The following HS2ST1 variants were observed in gnomAD, a reference collection of about 807,000 sequenced individuals.
The protein encoded by HS2ST1 is heparan sulfate 2-O-sulfotransferase 1.
A neutral mutation model predicts 42.9 loss-of-function variants in HS2ST1; 18 were observed. That is an observed-to-expected ratio of 0.42 (90% confidence interval 0.29 to 0.62). HS2ST1 has a LOEUF of 0.62. Ranked by LOEUF, HS2ST1 falls within the 20% of genes least tolerant of loss-of-function variation. HS2ST1 has a pLI of 0.21. For synonymous variants in HS2ST1, 146 were observed against 152.9 expected, an observed-to-expected ratio of 0.95 and a Z score of 0.33; for missense variants, 334 against 433.8, an observed-to-expected ratio of 0.77 and a Z score of 2.04.
At chr1:86,961,141 TA>T (rs11284968) in intron 1 of HS2ST1, among the ~76,000 whole-genome samples, 133,525 of 148,362 alleles carry the variant, frequency 0.9, 60,248 homozygotes, top group East Asian at 0.99. Context: ...GTCTATTTAA[TA>T]AAAAAAAAAA....
chr1:87,031,504 A>C (rs1650237399), intron 1 of HS2ST1, among the ~76,000 whole-genome samples: 1 of 152,168 alleles, frequency 6.6e-6, no homozygotes, highest in Non-Finnish European at 1.5e-5. Flanking sequence ...GCCAGTCCTC[A>C]AGTACATGTG....
intron 1 of HS2ST1, among the ~76,000 whole-genome samples, chr1:87,012,111 A>C (rs1252125704): frequency 1.3e-5 from 2 of 152,116 alleles, no homozygotes; most frequent in African/African-American, 2.4e-5. Flanking sequence ...AAGGTGTTCT[A>C]CTTTTTTTTC....
At chr1:86,991,319 G>A (rs1360483089) in intron 1 of HS2ST1, among the ~76,000 whole-genome samples, 1 of 152,102 alleles carries the variant, frequency 6.6e-6, no homozygotes, top group Non-Finnish European at 1.5e-5. Context: ...GATAGGTTCA[G>A]GGTGACTCTA....
At chr1:86,935,430 G>A (rs1407109708) in intron 1 of HS2ST1, among the ~76,000 whole-genome samples, 1 of 147,876 alleles carries the variant, frequency 6.8e-6, no homozygotes, top group East Asian at 2.0e-4. Context: ...TTATGTTTTG[G>A]AGGTTTTGTA....
At chr1:87,023,265 A>C (rs569117808) in intron 1 of HS2ST1, among the ~76,000 whole-genome samples, 2 of 152,190 alleles carry the variant, frequency 1.3e-5, no homozygotes, top group Non-Finnish European at 2.9e-5. Context: ...ATAAATAACG[A>C]CTTATGCAAA....
intron 2 of HS2ST1, among the ~76,000 whole-genome samples, chr1:87,081,413 GA>G (rs766780000): frequency 5.9e-5 from 9 of 152,144 alleles, no homozygotes; most frequent in Non-Finnish European, 8.8e-5. Flanking sequence ...AAGACACATG[GA>G]AATTAAACAA....
chr1:87,017,298 A>C (rs1294172413), intron 1 of HS2ST1, among the ~76,000 whole-genome samples: 1 of 152,078 alleles, frequency 6.6e-6, no homozygotes, highest in East Asian at 1.9e-4. Context: ...CACCATGTCC[A>C]GCTAATTTTT....
chr1:86,981,526 T>G (rs1648590710), intron 1 of HS2ST1, among the ~76,000 whole-genome samples: 1 of 152,200 alleles, frequency 6.6e-6, no homozygotes, highest in African/African-American at 2.4e-5. Context: ...TGGGTAAATG[T>G]TCCCATTGCA....
intron 1 of HS2ST1, among the ~76,000 whole-genome samples, chr1:87,040,517 G>T (rs1650494529): frequency 6.6e-6 from 1 of 152,112 alleles, no homozygotes; most frequent in Non-Finnish European, 1.5e-5. Context: ...GGTGCATGGG[G>T]CATGGGGCAT....
At chr1:86,974,848 G>A (rs895535144) in intron 1 of HS2ST1, among the ~76,000 whole-genome samples, 5 of 152,144 alleles carry the variant, frequency 3.3e-5, no homozygotes, top group African/African-American at 1.2e-4. Flanking sequence ...AGACTCTCAA[G>A]TTATTCTTTT....
intron 3 of HS2ST1, among the ~76,000 whole-genome samples, chr1:87,085,740 CCA>C (rs1447668849): frequency 2.1e-4 from 32 of 152,192 alleles, no homozygotes; most frequent in African/African-American, 7.5e-4. Context: ...TTTATTCTTT[CCA>C]CACACAGCTT....
intron 4 of HS2ST1, 135 bp from the exon 5 acceptor site, chr1:87,097,703 A>G: frequency 1.0e-6 from 1 of 987,964 alleles, no homozygotes; most frequent in Non-Finnish European, 1.5e-6. Context: ...TGATTAATTT[A>G]CATGACTCCA....
chr1:87,041,725 T>C (rs182206201), intron 1 of HS2ST1, among the ~76,000 whole-genome samples: 1 of 152,308 alleles, frequency 6.6e-6, no homozygotes, highest in East Asian at 1.9e-4. Context: ...CTTGGCATAA[T>C]GTTCTCAAGG....
intron 1 of HS2ST1, among the ~76,000 whole-genome samples, chr1:87,041,225 T>TAAAAA (rs1174731806): frequency 1.6e-4 from 4 of 24,878 alleles, no homozygotes; most frequent in Non-Finnish European, 3.4e-4. Flanking sequence ...TTGTCTCTAC[T>TAAAAA]AAAAAAAAAA....
At chr1:86,921,694 C>T (rs566857279) in intron 1 of HS2ST1, among the ~76,000 whole-genome samples, 3 of 152,274 alleles carry the variant, frequency 2.0e-5, no homozygotes, top group East Asian at 3.9e-4. Context: ...TCAACAGATG[C>T]TGGTGTCTTG....
At chr1:87,089,599 C>G (rs545517753) in intron 3 of HS2ST1, among the ~76,000 whole-genome samples, 2 of 151,988 alleles carry the variant, frequency 1.3e-5, no homozygotes, top group African/African-American at 2.4e-5. Flanking sequence ...TGTTTTCTAA[C>G]TGGCTGAGCT....
At chr1:87,061,145 GAAT>G (rs1255244608) in intron 1 of HS2ST1, among the ~76,000 whole-genome samples, 1 of 151,990 alleles carries the variant, frequency 6.6e-6, no homozygotes, top group Non-Finnish European at 1.5e-5. Context: ...GTTAAATTGA[GAAT>G]AAATGACTAA....
intron 1 of HS2ST1, among the ~76,000 whole-genome samples, chr1:86,957,320 A>C (rs1452417628): frequency 6.6e-6 from 1 of 152,232 alleles, no homozygotes; most frequent in African/African-American, 2.4e-5. Context: ...AGAGGAAGAA[A>C]CATGACTCTC....
chr1:86,997,132 A>G (rs1438017570), intron 1 of HS2ST1, among the ~76,000 whole-genome samples: 2 of 152,202 alleles, frequency 1.3e-5, no homozygotes, highest in African/African-American at 2.4e-5. Context: ...GATGGAGATC[A>G]AGCAAAAAGA....
Sources: allele counts gnomAD v4.1 joint callset (sites outside exome capture counted in the v4.1 genomes callset), GRCh38; gene constraint gnomAD v4.1.1; transcripts MANE v1.5; gene names NCBI Gene and HGNC (gene_info 2026-07-23, HGNC 2026-07-21).